The following SIGLEC1 variants were observed in gnomAD, a reference collection of about 807,000 sequenced individuals.
SIGLEC1 encodes sialic acid binding Ig like lectin 1.
In SIGLEC1, 132 loss-of-function variants were observed where a neutral mutation model predicts 148.0. That is an observed-to-expected ratio of 0.89 (90% CI 0.77 to 1.03). SIGLEC1 has a LOEUF of 1.03. Ranked by LOEUF, SIGLEC1 falls within the 50% of genes least tolerant of loss-of-function variation. SIGLEC1 has a pLI of 0.00. For missense variants in SIGLEC1, 2,253 were observed against 2,271.4 expected (o/e 0.99, Z 0.16); for synonymous variants, 945 against 969.0 (o/e 0.98, Z 0.46).
intron 4 of SIGLEC1, among the ~76,000 whole-genome samples, chr20:3,705,117 CT>C (rs574226372): frequency 2.8e-4 from 43 of 152,318 alleles, no homozygotes; most frequent in African/African-American, 1.0e-3. Context: ...GTGCCTCAGC[CT>C]CCTTAGTAAC....
Position 3,692,008 on chromosome 20 carries a change from G to T in SIGLEC1, c.4225C>A (p.Leu1409Ile), listed in dbSNP as rs1384208407. The change falls in exon 17 of 22, where the codon CTA (leucine) becomes ATA (isoleucine). Residue 1409 changes from leucine (L) to isoleucine (I), a missense_variant. Leu to Ile is a conservative substitution (Grantham distance 5, BLOSUM62 2). Transcript: ENST00000344754. ...GGCACATCTTGCACCTGCAGCCGTA[G>T]GGCGTTTCGGGCCACCTGGACATGG... ...TGHVQVARNA[L>I]RLQVQDVPAG... The T allele has an allele frequency of 5.0e-6, 8 of 1,613,400 alleles. No individual in the cohort carries two copies. Among genetic ancestry groups the T allele is most frequent in the Non-Finnish European group, 5.9e-6 (7 of 1,179,866 alleles).
intron 11 of SIGLEC1, 131 bp from the exon 12 acceptor site, chr20:3,695,054 C>T (rs556247304): frequency 4.8e-5 from 44 of 909,366 alleles, no homozygotes; most frequent in African/African-American, 2.7e-4. Context: ...TCCAGACCAC[C>T]GCCAGGGCCC....
rs543417293 is a variant in SIGLEC1 at position 3,695,226 on chromosome 20, C to T, written c.2684-303G>A. On this transcript the variant is annotated intron_variant, in intron 11 of 21. Coordinates refer to ENST00000344754, the MANE Select transcript of SIGLEC1 (RefSeq NM_023068.4). ...GGCACTGGACTTGTGTGACCTGTAA[C>T]CCCAGTTCCAGGCACTGTGCCTGCA... Among the ~76,000 whole-genome samples the T allele has an allele frequency of 1.3e-4, 20 of 152,308 alleles. No homozygotes were observed. In the East Asian group the frequency reaches 3.7e-3, roughly 28 times the overall value.
At chr20:3,694,093 G>A (rs564766987) in intron 13 of SIGLEC1, 128 bp downstream of exon 13, 34 of 1,044,160 alleles carry the variant, frequency 3.3e-5, no homozygotes, top group South Asian at 2.0e-4. Flanking sequence ...GTCCACCATC[G>A]TTAGGAAGGG....
chr20:3,687,957 G>A lies in SIGLEC1; in HGVS notation c.*603C>T, dbSNP rs2088715743. On this transcript the variant is annotated 3_prime_UTR_variant, in exon 22 of 22. Coordinates refer to ENST00000344754, the MANE Select transcript of SIGLEC1 (RefSeq NM_023068.4). ...TCTACCTCCACTCTTCCTTCTTCTG[G>A]CTGGAGGGCATGTGGACAAAGCGGG... 6.3e-6 allele frequency: 1 copy of A among 158,380 alleles called. No individual in the cohort carries two copies. Among genetic ancestry groups the A allele is most frequent in the Admixed American group, 5.9e-5 (1 of 16,976 alleles). The allele number at this position is 158,380 out of a possible 1,614,324, so 9.8% of individuals were successfully genotyped here.
intron 7 of SIGLEC1, among the ~76,000 whole-genome samples, chr20:3,700,408 A>G (rs544456847): frequency 7.9e-5 from 12 of 151,150 alleles, no homozygotes; most frequent in African/African-American, 2.9e-4. Flanking sequence ...ATGAGCCACC[A>G]TGCCTGGCCA....
chr20:3,689,615 G>C lies in SIGLEC1; in HGVS notation c.4982C>G (p.Ala1661Gly). 1 of 1,581,028 alleles carries C rather than the reference G, an allele frequency of 6.3e-7. No homozygotes were observed. The highest frequency in any genetic ancestry group is 8.6e-7 in the Non-Finnish European group (1 of 1,163,498). Residue 1661 changes from alanine (A) to glycine (G), a missense_variant, in exon 20 of 22, where the codon GCC (alanine) becomes GGC (glycine). Transcript: ENST00000344754. ...CCAGACCCACCTCCAGGTGTAGCAG[G>C]CCCCCAGGCCCAACAGCAGGAGCAG... is the stretch of plus-strand genomic sequence containing the variant. ...GLLLLLLGLG[A>G]CYTWRRRRVC...
chr20:3,691,184 C>T lies in SIGLEC1; in HGVS notation c.4591+156G>A, dbSNP rs530176935. Among the ~76,000 whole-genome samples the T allele has an allele frequency of 2.0e-5, 3 of 152,268 alleles. No individual in the cohort carries two copies. The East Asian group carries it at 5.8e-4, about 29-fold the overall frequency. The stretch of plus-strand genomic sequence containing the variant: ...GGCGAATGATGTATTCCCCATTTTA[C>T]AAGGTCACCCAACCAGACAGCGGGA... On this transcript the variant is annotated intron_variant, in intron 18 of 21. Transcript: ENST00000344754.
chr20:3,694,370 C>T lies in SIGLEC1; in HGVS notation c.3107G>A (p.Gly1036Asp), dbSNP rs766677156. The T allele has an allele frequency of 2.5e-6, 4 of 1,613,146 alleles. No homozygotes were observed. Among genetic ancestry groups the T allele is most frequent in the Non-Finnish European group, 1.7e-6 (2 of 1,179,930 alleles). The part of the protein sequence containing the change: ...STLQGVGGPE[G>D]SSPRLHVAVA... ...AGCCACATGCAGCCTGGGAGAGCTG[C>T]CTTCGGGTCCCCCCACACCTTGTAG... Residue 1036 changes from glycine (G) to aspartate (D), a missense_variant, in exon 13 of 22, where the codon GGC becomes GAC. By Grantham distance (94) the Gly-to-Asp change is moderately conservative. Transcript: ENST00000344754.
In SIGLEC1 at chr20:3,699,472, G is replaced by A. The variant is rs760669308; in HGVS notation, c.1529-13C>T. 10 of 1,600,520 alleles carry A rather than the reference G, an allele frequency of 6.2e-6. 1 individual carries two copies. In the East Asian group the frequency reaches 6.8e-5, roughly 11 times the overall value. Reference sequence around the variant, plus strand: ...AGGAGACGGGCGGCTGCGGGGAGAGGAAGAGGCTGGGAAGGGTCCCTCCTC... The same window carrying A: ...AGGAGACGGGCGGCTGCGGGGAGAGAAAGAGGCTGGGAAGGGTCCCTCCTC... On this transcript the variant is annotated splice_polypyrimidine_tract_variant and intron_variant, in intron 7 of 21. Transcript: ENST00000344754.
chr20:3,696,858 A>G lies in SIGLEC1; in HGVS notation c.2411T>C (p.Leu804Pro). 1.3e-6 allele frequency: 2 copies of G among 1,571,016 alleles called. No individual in the cohort carries two copies. The highest frequency in any genetic ancestry group is 1.2e-5 in the South Asian group (1 of 84,536). ...CATGTGGCCCTGGCCCATGTCTAGG[A>G]GGGCTGACAGCTTTGGACGGTCCGG... ...YPPDRPKLSA[L>P]LDMGQGHMAL... The change falls in exon 11 of 22, where the codon CTC (leucine) becomes CCC (proline). Residue 804 changes from leucine (L) to proline (P), a missense_variant. Leu to Pro is a moderately conservative substitution (Grantham distance 98, BLOSUM62 -3). Coordinates refer to ENST00000344754, the MANE Select transcript of SIGLEC1 (RefSeq NM_023068.4).
chr20:3,692,835 G>T (rs750648570), intron 15 of SIGLEC1, 27 bp downstream of exon 15: 6 of 1,601,698 alleles, frequency 3.7e-6, no homozygotes, highest in Non-Finnish European at 5.1e-6. Context: ...TTCCATCCCA[G>T]TGGGCTTGGC....
Position 3,689,161 on chromosome 20 carries a change from G to T in SIGLEC1, c.5064C>A (p.Thr1688=). 1 of 1,613,568 alleles carries T rather than the reference G, an allele frequency of 6.2e-7. No homozygotes were observed. The highest frequency in any genetic ancestry group is 8.5e-7 in the Non-Finnish European group (1 of 1,179,470). The part of the protein sequence containing the change: ...NSVEMAFQKE[T]TQLIDPDAAT... ...GTGTGTGTTGAATGGATACCTGCGTGGTCTCTTTCTGAAAAGCCATCTCCA... is the reference window on the plus strand; with the variant it reads ...GTGTGTGTTGAATGGATACCTGCGTTGTCTCTTTCTGAAAAGCCATCTCCA... Residue 1688 remains threonine, a synonymous_variant, in exon 21 of 22, where the codon ACC becomes ACA. Coordinates refer to ENST00000344754, the MANE Select transcript of SIGLEC1 (RefSeq NM_023068.4).
At position 3,697,297 on chromosome 20, in the gene SIGLEC1, G is replaced by A; in HGVS notation, c.2168C>T (p.Thr723Ile). Reference protein sequence around the residue: ...IAPSHTLQEGTEANLTCNVSR... With the variant: ...IAPSHTLQEGIEANLTCNVSR... ...CACGTTGCAAGTCAAGTTGGCTTCT[G>A]TGCCCTCCTGAAGTGTGTGTGATGG... Residue 723 changes from threonine (T) to isoleucine (I), a missense_variant, in exon 10 of 22, where the codon ACA (threonine) becomes ATA (isoleucine). Thr to Ile is a moderately conservative substitution (Grantham distance 89, BLOSUM62 -1). Transcript: ENST00000344754. 1 of 1,613,966 alleles carries A rather than the reference G, an allele frequency of 6.2e-7. No individual in the cohort carries two copies. The highest frequency in any genetic ancestry group is 8.5e-7 in the Non-Finnish European group (1 of 1,180,030).
chr20:3,699,293 G>C lies in SIGLEC1; in HGVS notation c.1695C>G (p.Ala565=). Residue 565 remains alanine (A), a synonymous_variant, in exon 8 of 22, where the codon GCC becomes GCG. Transcript: ENST00000344754. ...GPGSSLLLPA[A]SSTDAGSYHC... ...GGTATGAGCCGGCGTCAGTGCTGGA[G>C]GCCGCGGGGAGCAGGAGGCTGCTGC... is the stretch of plus-strand genomic sequence containing the variant. 1 of 1,608,694 alleles carries C rather than the reference G, an allele frequency of 6.2e-7. No individual in the cohort carries two copies. The highest frequency in any genetic ancestry group is 8.5e-7 in the Non-Finnish European group (1 of 1,178,416).
chr20:3,697,008 C>G, intron 10 of SIGLEC1, 77 bp downstream of exon 10: 1 of 1,563,786 alleles, frequency 6.4e-7, no homozygotes, highest in Non-Finnish European at 8.6e-7. Flanking sequence ...CTCCCCAAAC[C>G]CCAGCCCGGC....
At position 3,688,236 on chromosome 20, in the gene SIGLEC1, G is replaced by GA. The variant is rs2088718146; in HGVS notation, c.*323_*324insT. On this transcript the variant is annotated 3_prime_UTR_variant, in exon 22 of 22. Transcript: ENST00000344754. ...TGCTGCAATCCAACCAAAGTCCAGG[G>GA]TGACTTTCGAGGAGAAGGATGTGAA... The GA allele has an allele frequency of 2.4e-5, 9 of 378,974 alleles. No homozygotes were observed. Among genetic ancestry groups the GA allele is most frequent in the South Asian group, 1.5e-4 (7 of 45,254 alleles). 23.5% of individuals were successfully genotyped at this position (378,974 alleles called of 1,614,324 possible). A position where few individuals can be genotyped will look rare whatever the true frequency, so the allele number is the denominator to read the frequency against.
At position 3,704,080 on chromosome 20, in the gene SIGLEC1, C is replaced by A. The variant is rs1463957515; in HGVS notation, c.718G>T (p.Gly240Cys). ...GAGGGGCTGAGGAGGATCTTCACAC[C>A]CTTGGGGGCATCTGCAAGTCACAGT... ...IHLQVKYAPKGVKILLSPSGR... is the reference protein window; with the variant it reads ...IHLQVKYAPKCVKILLSPSGR... Residue 240 changes from glycine to cysteine, a missense_variant, in exon 5 of 22, where the codon GGT becomes TGT. Physicochemically the swap from Gly to Cys is radical, Grantham distance 159. Coordinates refer to ENST00000344754, the MANE Select transcript of SIGLEC1 (RefSeq NM_023068.4). 6.2e-7 allele frequency: 1 copy of A among 1,612,356 alleles called. No homozygotes were observed.
intron 8 of SIGLEC1, among the ~76,000 whole-genome samples, chr20:3,698,685 C>T (rs924602170): frequency 6.6e-6 from 1 of 152,260 alleles, no homozygotes; most frequent in African/African-American, 2.4e-5. Context: ...CACCAGAAAA[C>T]TTTGCAGAGG....
Sources: allele counts gnomAD v4.1 joint callset (sites outside exome capture counted in the v4.1 genomes callset), GRCh38; gene constraint gnomAD v4.1.1; transcripts MANE v1.5; gene names NCBI Gene and HGNC (gene_info 2026-07-23, HGNC 2026-07-21).